The following DEPTOR variants were observed in gnomAD, a reference collection of about 807,000 sequenced individuals.
DEPTOR encodes DEP domain containing MTOR interacting protein, also known as DEP domain-containing mTOR-interacting protein.
Under a neutral mutation model 41.6 loss-of-function variants are expected in DEPTOR, and 41 were observed. The ratio of observed to expected loss-of-function variants is 0.98; its 90% confidence interval spans 0.77 to 1.28. The LOEUF is 1.28. DEPTOR is among the 50% of genes most tolerant of loss of function. The pLI, the probability that DEPTOR is intolerant of heterozygous loss-of-function variation, is 0.00. For synonymous variants in DEPTOR, 195 were observed against 192.3 expected (o/e 1.01, Z -0.12); for missense variants, 514 against 527.9 (o/e 0.97, Z 0.26).
intron 8 of DEPTOR, among the ~76,000 whole-genome samples, chr8:120,035,261 A>G (rs1240034700): frequency 2.6e-5 from 4 of 152,148 alleles, no homozygotes; most frequent in Non-Finnish European, 4.4e-5. Context: ...CAGAGGTTGC[A>G]GTGAGCGGAG....
chr8:119,959,362 C>T (rs1032826969), intron 3 of DEPTOR, among the ~76,000 whole-genome samples: 2 of 151,536 alleles, frequency 1.3e-5, no homozygotes, highest in South Asian at 2.1e-4. Flanking sequence ...AGGGTTTCAC[C>T]GTGTTAGCCA....
At chr8:120,037,922 A>T (rs1322237187) in intron 8 of DEPTOR, among the ~76,000 whole-genome samples, 1 of 152,154 alleles carries the variant, frequency 6.6e-6, no homozygotes, top group African/African-American at 2.4e-5. Context: ...TTATCAAGTG[A>T]GCATTATTCC....
At chr8:120,000,604 A>G (rs1347356962) in intron 4 of DEPTOR, among the ~76,000 whole-genome samples, 1 of 151,858 alleles carries the variant, frequency 6.6e-6, no homozygotes. Context: ...CTGGGATTAC[A>G]GGTGTATGCC....
chr8:119,896,248 C>T (rs1482428320), intron 1 of DEPTOR, among the ~76,000 whole-genome samples: 2 of 152,116 alleles, frequency 1.3e-5, no homozygotes, highest in African/African-American at 2.4e-5. Flanking sequence ...TATCATTAGT[C>T]CCATTTTAGA....
intron 1 of DEPTOR, among the ~76,000 whole-genome samples, chr8:119,904,536 G>A (rs556143267): frequency 9.9e-5 from 15 of 151,622 alleles, no homozygotes; most frequent in African/African-American, 2.9e-4. Flanking sequence ...ACTCTGTCAC[G>A]CAGGCTGCAG....
chr8:119,965,787 G>C (rs1828551360), intron 4 of DEPTOR, among the ~76,000 whole-genome samples: 1 of 152,152 alleles, frequency 6.6e-6, no homozygotes, highest in Admixed American at 6.6e-5. Flanking sequence ...GTTGGGAAGT[G>C]GATGCCTCCC....
chr8:119,877,284 C>T (rs1827242216), intron 1 of DEPTOR, among the ~76,000 whole-genome samples: 1 of 152,168 alleles, frequency 6.6e-6, no homozygotes, highest in South Asian at 2.1e-4. Flanking sequence ...GTAACTAGCA[C>T]ATAGTAACTA....
chr8:119,938,692 A>C (rs1828142210), intron 3 of DEPTOR, among the ~76,000 whole-genome samples: 1 of 151,884 alleles, frequency 6.6e-6, no homozygotes. Flanking sequence ...GTTTATTTTC[A>C]GTAGAGAGCG....
chr8:119,962,754 G>C (rs1052258351), intron 3 of DEPTOR, among the ~76,000 whole-genome samples: 1 of 152,202 alleles, frequency 6.6e-6, no homozygotes, highest in East Asian at 1.9e-4. Context: ...AGTCAATTAA[G>C]AAAACACTGT....
At chr8:119,951,906 G>A (rs760237595) in intron 3 of DEPTOR, among the ~76,000 whole-genome samples, 1 of 152,196 alleles carries the variant, frequency 6.6e-6, no homozygotes, top group Admixed American at 6.6e-5. Flanking sequence ...GAGAGGATGA[G>A]ATGGGTGGAT....
intron 8 of DEPTOR, among the ~76,000 whole-genome samples, chr8:120,038,085 G>A (rs1269644949): frequency 6.6e-6 from 1 of 151,450 alleles, no homozygotes; most frequent in Non-Finnish European, 1.5e-5. Flanking sequence ...TGGGCAACAT[G>A]ATGCAACCCC....
chr8:119,999,258 G>A (rs1338372181), intron 4 of DEPTOR, among the ~76,000 whole-genome samples: 1 of 148,114 alleles, frequency 6.8e-6, no homozygotes, highest in East Asian at 2.0e-4. Flanking sequence ...GAAAACAAGA[G>A]TGAAATTCTG....
At chr8:119,885,766 C>T (rs921677510) in intron 1 of DEPTOR, among the ~76,000 whole-genome samples, 1 of 152,130 alleles carries the variant, frequency 6.6e-6, no homozygotes, top group Non-Finnish European at 1.5e-5. Flanking sequence ...TACTCATGTC[C>T]ACCACTTAAG....
At chr8:119,899,471 C>T (rs1404182673) in intron 1 of DEPTOR, among the ~76,000 whole-genome samples, 1 of 152,098 alleles carries the variant, frequency 6.6e-6, no homozygotes, top group East Asian at 1.9e-4. Flanking sequence ...TAAACATAGA[C>T]TTATAGAAGG....
At chr8:119,880,790 A>C (rs1004668835) in intron 1 of DEPTOR, among the ~76,000 whole-genome samples, 35 of 152,376 alleles carry the variant, frequency 2.3e-4, no homozygotes, top group African/African-American at 8.2e-4. Flanking sequence ...GGGAAGATAA[A>C]TTGCAGTTCT....
intron 4 of DEPTOR, among the ~76,000 whole-genome samples, chr8:119,980,841 T>C (rs1828758265): frequency 6.6e-6 from 1 of 152,152 alleles, no homozygotes; most frequent in African/African-American, 2.4e-5. Context: ...CAGTCCCTTA[T>C]CTCTGTGATC....
At chr8:119,890,552 C>G (rs1827439963) in intron 1 of DEPTOR, among the ~76,000 whole-genome samples, 1 of 152,154 alleles carries the variant, frequency 6.6e-6, no homozygotes, top group Admixed American at 6.6e-5. Context: ...ATCCACCCAC[C>G]TCGGCCTCCC....
At chr8:120,004,258 CT>C (rs1306983276) in intron 6 of DEPTOR, among the ~76,000 whole-genome samples, 1 of 151,944 alleles carries the variant, frequency 6.6e-6, no homozygotes, top group African/African-American at 2.4e-5. Flanking sequence ...AACTTTTTTT[CT>C]TTTTTTGCTG....
rs532225280 is a variant in DEPTOR, at chr8:119,889,953, G to GTTGTT, written c.122+16005_122+16009dup. On this transcript the variant is annotated intron_variant, in intron 1 of 8. Transcript: ENST00000286234. ...AAGTGATCAAGGTGTCTTTTTTGTT[G>GTTGTT]TTGTTTTGTTTTGTTTTGTTTTGTG... is the stretch of plus-strand genomic sequence containing the variant. Among the ~76,000 whole-genome samples, 178 of 152,108 alleles carry GTTGTT rather than the reference G, an allele frequency of 1.2e-3. 4 individuals are homozygous for GTTGTT. The South Asian group carries it at 0.016, about 14-fold the overall frequency.
Sources: allele counts gnomAD v4.1 joint callset (sites outside exome capture counted in the v4.1 genomes callset), GRCh38; gene constraint gnomAD v4.1.1; transcripts MANE v1.5; gene names NCBI Gene and HGNC (gene_info 2026-07-23, HGNC 2026-07-21).